The following PCDHGB2 variants were observed in gnomAD, a reference collection of about 807,000 sequenced individuals.
PCDHGB2 encodes the protein protocadherin gamma-B2.
A neutral mutation model predicts 59.3 loss-of-function variants in PCDHGB2; 55 were observed. That is an observed-to-expected ratio of 0.93 (90% CI 0.75 to 1.16). The LOEUF (loss-of-function observed/expected upper bound fraction) is 1.16, where lower values mean the gene tolerates loss of function less well. Ranked by LOEUF, PCDHGB2 falls within the 50% of genes most tolerant of loss-of-function variation. The pLI is 0.00. For synonymous variants in PCDHGB2, 516 were observed against 512.0 expected, an observed-to-expected ratio of 1.01 and a Z score of -0.11; for missense variants, 1,228 against 1,198.5, an observed-to-expected ratio of 1.02 and a Z score of -0.36.
Position 141,409,613 on chromosome 5 carries a change from A to T in PCDHGB2, c.2421+47057A>T, listed in dbSNP as rs370495173. 6.6e-5 allele frequency: 107 copies of T among 1,613,738 alleles called. 1 individual carries two copies. The South Asian group carries it at 1.1e-3, about 17-fold the overall frequency. ...CGAGAACAACCCGCCAGGAGCCTCC[A>T]TTGCGCAAGTGAGCGCCTCTGACCC... On this transcript the variant is annotated intron_variant, in intron 1 of 3. Transcript: ENST00000522605.
Position 141,435,556 on chromosome 5 carries a change from G to C in PCDHGB2, c.2422-59251G>C, listed in dbSNP as rs568743865. ...AGAATTAACAAAATGTGTTTTGAGT[G>C]CTTTTTTTAGTACTGGGGCAAATTT... is the stretch of plus-strand genomic sequence containing the variant. On this transcript the variant is annotated intron_variant, in intron 1 of 3. Transcript: ENST00000522605. Among the ~76,000 whole-genome samples, 7 of 152,242 alleles carry C rather than the reference G, an allele frequency of 4.6e-5. 1 individual carries two copies. Among genetic ancestry groups the C allele is most frequent in the African/African-American group, 1.4e-4 (6 of 41,544 alleles).
chr5:141,427,193 C>T (rs1427995075), intron 1 of PCDHGB2: 1 of 456,496 alleles, frequency 2.2e-6, no homozygotes, highest in Admixed American at 2.4e-5. Context: ...AATCCAAAGA[C>T]TTAATAGACT....
At chr5:141,502,484 G>A (rs962659219) in intron 2 of PCDHGB2, among the ~76,000 whole-genome samples, 1 of 152,000 alleles carries the variant, frequency 6.6e-6, no homozygotes. Context: ...CATCACACTG[G>A]GACTCATCTA....
intron 1 of PCDHGB2, among the ~76,000 whole-genome samples, chr5:141,401,115 G>C (rs923480761): frequency 5.9e-5 from 9 of 151,974 alleles, no homozygotes; most frequent in African/African-American, 1.7e-4. Context: ...AGGCCGAGGC[G>C]GTTGGATCAC....
chr5:141,422,556 G>T, intron 1 of PCDHGB2: 1 of 1,613,908 alleles, frequency 6.2e-7, no homozygotes, highest in South Asian at 1.1e-5. Context: ...GGCTGAATGT[G>T]GCAGATGACA....
chr5:141,499,570 A>G (rs1027373056), intron 2 of PCDHGB2, among the ~76,000 whole-genome samples: 2 of 152,200 alleles, frequency 1.3e-5, no homozygotes, highest in African/African-American at 4.8e-5. Context: ...TCCAGCTTCA[A>G]CTAATGCCTT....
intron 1 of PCDHGB2, chr5:141,478,305 C>A (rs775282798): frequency 1.2e-6 from 2 of 1,613,974 alleles, no homozygotes; most frequent in Non-Finnish European, 8.5e-7. Flanking sequence ...TACCGAGCCC[C>A]GGTGAGCTCA....
At chr5:141,407,625 T>C (rs1354209573) in intron 1 of PCDHGB2, among the ~76,000 whole-genome samples, 2 of 152,220 alleles carry the variant, frequency 1.3e-5, no homozygotes, top group African/African-American at 4.8e-5. Context: ...ACATTCTATA[T>C]CTCGTATTAC....
intron 1 of PCDHGB2, among the ~76,000 whole-genome samples, chr5:141,447,993 T>A (rs2098557542): frequency 6.6e-6 from 1 of 151,554 alleles, no homozygotes; most frequent in Non-Finnish European, 1.5e-5. Context: ...GGCTGAGGCA[T>A]GAGAATCGCT....
At chr5:141,397,395 C>G (rs1382237446) in intron 1 of PCDHGB2, among the ~76,000 whole-genome samples, 1 of 152,048 alleles carries the variant, frequency 6.6e-6, no homozygotes, top group Non-Finnish European at 1.5e-5. Flanking sequence ...ATTGCCACAA[C>G]TTTACAAAAT....
chr5:141,397,700 G>A (rs2093557870), intron 1 of PCDHGB2, among the ~76,000 whole-genome samples: 2 of 152,224 alleles, frequency 1.3e-5, no homozygotes, highest in Admixed American at 1.3e-4. Flanking sequence ...AAAACCCAAC[G>A]TGATATTTCT....
intron 1 of PCDHGB2, among the ~76,000 whole-genome samples, chr5:141,448,809 A>G (rs998129053): frequency 9.2e-5 from 14 of 151,812 alleles, no homozygotes; most frequent in Non-Finnish European, 1.8e-4. Flanking sequence ...GCCAGGCGTG[A>G]TGGCGGGCGC....
rs758578821 is a variant in PCDHGB2 at position 141,486,659 on chromosome 5, G to C, written c.2422-8148G>C. The C allele has an allele frequency of 6.8e-6, 11 of 1,613,944 alleles. No individual in the cohort carries two copies. The highest frequency in any genetic ancestry group is 8.5e-6 in the Non-Finnish European group (10 of 1,180,026). On this transcript the variant is annotated intron_variant, in intron 1 of 3. Coordinates refer to ENST00000522605, the MANE Select transcript of PCDHGB2 (RefSeq NM_018923.3). The surrounding 1 kb of genome is among the most constrained non-coding windows in gnomAD (Gnocchi z 5.0). ...TGCGCTTATCTCCTACTCACTCCTGGAGCCCAGGAATCGAGATGTATCAGC... is the reference window on the plus strand; with the variant it reads ...TGCGCTTATCTCCTACTCACTCCTGCAGCCCAGGAATCGAGATGTATCAGC...
intron 1 of PCDHGB2, chr5:141,415,910 A>G: frequency 1.3e-6 from 1 of 757,484 alleles, no homozygotes; most frequent in Non-Finnish European, 1.8e-6. Context: ...ACTTCCATAC[A>G]GAAGTGCCTG....
chr5:141,507,609 A>G (rs2099862010), intron 3 of PCDHGB2, among the ~76,000 whole-genome samples: 1 of 152,260 alleles, frequency 6.6e-6, no homozygotes, highest in Non-Finnish European at 1.5e-5. Context: ...ATAAACAGGT[A>G]TATTTAGCTG....
intron 1 of PCDHGB2, chr5:141,385,685 C>T (rs1022994434): frequency 3.0e-6 from 1 of 331,334 alleles, no homozygotes; most frequent in Non-Finnish European, 4.5e-6. Flanking sequence ...CAGCTGTCTT[C>T]TCAGGATTCT....
chr5:141,440,464 G>A (rs2003094), intron 1 of PCDHGB2: 3,293 of 152,144 alleles, frequency 0.022, 52 homozygotes, highest in South Asian at 0.038. Context: ...ATGAACAAAC[G>A]GTAGTTGAAA....
rs773944794 is a variant in PCDHGB2 at position 141,477,003 on chromosome 5, C to T, written c.2422-17804C>T. 1.2e-6 allele frequency: 2 copies of T among 1,614,214 alleles called. No homozygotes were observed. The highest frequency in any genetic ancestry group is 8.5e-7 in the Non-Finnish European group (1 of 1,180,040). On this transcript the variant is annotated intron_variant, in intron 1 of 3. Transcript: ENST00000522605. This position sits in a 1 kb window ranked among gnomAD's most constrained non-coding sequence, Gnocchi z 4.9. ...CGCGCCGGCGTGCGGCAACTATTCG[C>T]CTTAGACCTTGTAACCGGGATGCTG...
rs764919264 is a variant in PCDHGB2, at chr5:141,383,778, T to A, written c.2421+21222T>A. 2.5e-6 allele frequency: 4 copies of A among 1,614,004 alleles called. No individual in the cohort carries two copies. The South Asian group carries it at 4.4e-5, about 18-fold the overall frequency. ...CTCCTAAACTTCCAAAGATGTTTCA[T>A]CTGAACTCGCTTACAGGAGAAATAT... is the stretch of plus-strand genomic sequence containing the variant. On this transcript the variant is annotated intron_variant, in intron 1 of 3. Coordinates refer to ENST00000522605, the MANE Select transcript of PCDHGB2 (RefSeq NM_018923.3).
Sources: gnomAD v4.1 joint callset for allele counts (sites outside exome capture counted in the v4.1 genomes callset) on GRCh38, gnomAD v4.1.1 for gene constraint, Gnocchi (gnomAD v3.1) non-coding constraint, MANE v1.5 for transcripts, NCBI Gene and HGNC (gene_info 2026-07-23, HGNC 2026-07-21) for gene names.